Variants in GZMM observed in about 807,000 individuals in gnomAD.
GZMM encodes granzyme M, also known as HU-Met-1.
In GZMM, 23 loss-of-function variants were observed where a neutral mutation model predicts 19.2. That is an observed-to-expected ratio of 1.20 (90% confidence interval 0.86 to 1.69). The LOEUF (loss-of-function observed/expected upper bound fraction) is 1.69. Among genes scored for constraint, GZMM ranks in the 40% most tolerant of loss-of-function variants. The pLI is 0.00. For synonymous variants in GZMM, 178 were observed against 160.2 expected, an observed-to-expected ratio of 1.11 and a Z score of -0.84; for missense variants, 373 against 352.2, an observed-to-expected ratio of 1.06 and a Z score of -0.47.
At position 548,522 on chromosome 19, in the gene GZMM, C is replaced by T. The variant is rs1251396675; in HGVS notation, c.213-20C>T. 4 of 1,612,006 alleles carry T rather than the reference C, an allele frequency of 2.5e-6. No homozygotes were observed. Among genetic ancestry groups the T allele is most frequent in the African/African-American group, 1.3e-5 (1 of 74,868 alleles). On this transcript the variant is annotated intron_variant, in intron 2 of 4. Transcript: ENST00000264553. ...CCACGCCGGGCCAGGCCGCAGCACCCTGATTCCCTCTGTCCCCAGGATGGC... is the reference window on the plus strand; with the variant it reads ...CCACGCCGGGCCAGGCCGCAGCACCTTGATTCCCTCTGTCCCCAGGATGGC...
At chr19:546,249 A>G (rs1980276502) in intron 1 of GZMM, among the ~76,000 whole-genome samples, 1 of 152,158 alleles carries the variant, frequency 6.6e-6, no homozygotes, top group Non-Finnish European at 1.5e-5. Flanking sequence ...TTTAAAGACT[A>G]CATTTCTTGC....
At chr19:548,232 C>T (rs1980360976) in intron 2 of GZMM, among the ~76,000 whole-genome samples, 2 of 152,158 alleles carry the variant, frequency 1.3e-5, no homozygotes, top group South Asian at 4.1e-4. Context: ...GAGCCTGGGG[C>T]CCCAAGTGAA....
chr19:549,540 C>A, intron 4 of GZMM, 90 bp from the exon 5 acceptor site: 1 of 1,343,924 alleles, frequency 7.4e-7, no homozygotes, highest in Non-Finnish European at 1.0e-6. Context: ...CTGGGGATAA[C>A]AGGCCTGGCC....
intron 4 of GZMM, among the ~76,000 whole-genome samples, chr19:549,401 G>A (rs542586264): frequency 4.6e-5 from 7 of 152,340 alleles, no homozygotes; most frequent in East Asian, 1.9e-4. Flanking sequence ...GCCGGGAAGC[G>A]GCAGAGCTGT....
At chr19:548,720 C>G (rs767459939) in intron 3 of GZMM, 43 bp downstream of exon 3, 15 of 1,591,652 alleles carry the variant, frequency 9.4e-6, no homozygotes, top group Admixed American at 1.7e-5. Context: ...CCCTCCTGTC[C>G]CCCACGGGTG....
At chr19:545,416 C>T (rs1389158498) in intron 1 of GZMM, among the ~76,000 whole-genome samples, 2 of 152,206 alleles carry the variant, frequency 1.3e-5, no homozygotes, top group Non-Finnish European at 1.5e-5. Flanking sequence ...GGTGCCATCT[C>T]GGCTCACTGC....
At chr19:544,277 C>G (rs12981692) in intron 1 of GZMM, 151 bp downstream of exon 1, 166,921 of 665,828 alleles carry the variant, frequency 0.25, 23,305 homozygotes, top group Non-Finnish European at 0.3. Context: ...TGGGGCATCC[C>G]GAGCTCCTCA....
chr19:545,575 A>G (rs1255007133), intron 1 of GZMM, among the ~76,000 whole-genome samples: 3 of 151,152 alleles, frequency 2.0e-5, no homozygotes, highest in East Asian at 1.9e-4. Context: ...TCAAACTCCC[A>G]ACCTCAGGTG....
In GZMM at chr19:548,960, G is replaced by A. The variant is rs780405005; in HGVS notation, c.387G>A (p.Pro129=). The A allele has an allele frequency of 1.4e-5, 22 of 1,594,498 alleles. No homozygotes were observed. Among genetic ancestry groups the A allele is most frequent in the South Asian group, 3.3e-5 (3 of 89,706 alleles). ...TGAAGCCCAGCCGGACCATCCGGCC[G>A]TTGGCCCTGCCCAGTAAGCGCCAGG... The part of the protein sequence containing the change: ...GKVKPSRTIR[P]LALPSKRQVV... Residue 129 remains proline, a synonymous_variant, in exon 4 of 5, where the codon CCG becomes CCA. Transcript: ENST00000264553.
rs567959911 is a variant in GZMM, at chr19:548,946, C to T, written c.373C>T (p.Arg125Trp). 1.8e-5 allele frequency: 29 copies of T among 1,588,614 alleles called. No individual in the cohort carries two copies. In the East Asian group the frequency reaches 2.9e-4, roughly 16 times the overall value. The change falls in exon 4 of 5, where the codon CGG becomes TGG. Residue 125 changes from arginine (R) to tryptophan (W), a missense_variant. Arg to Trp is a moderately radical substitution (Grantham distance 101). Coordinates refer to ENST00000264553, the MANE Select transcript of GZMM (RefSeq NM_005317.4). ...LQLDGKVKPSRTIRPLALPSK... is the reference protein window; with the variant it reads ...LQLDGKVKPSWTIRPLALPSK... ...GCTGGACGGGAAAGTGAAGCCCAGC[C>T]GGACCATCCGGCCGTTGGCCCTGCC... is the stretch of plus-strand genomic sequence containing the variant.
Position 544,727 on chromosome 19 carries a change from TCCCTCCC to T in GZMM, c.55+602_55+608del, listed in dbSNP as rs780644641. Among the ~76,000 whole-genome samples, 162 of 60,806 alleles carry T rather than the reference TCCCTCCC, an allele frequency of 2.7e-3. 1 individual carries two copies. The highest frequency in any genetic ancestry group is 9.7e-3 in the African/African-American group (149 of 15,434). The allele number at this position is 60,806 out of a possible 152,430, so 39.9% of individuals were successfully genotyped here. On this transcript the variant is annotated intron_variant, in intron 1 of 4. Transcript: ENST00000264553. Reference sequence around the variant, plus strand: ...CATCATCCCTCCCTCCCTCCCTCCCTCCCTCCCTCATCTCCCCTTCCTTCCCTCTACC... The same window carrying T: ...CATCATCCCTCCCTCCCTCCCTCCCTTCATCTCCCCTTCCTTCCCTCTACC...
chr19:548,756 C>T (rs1980387716), intron 3 of GZMM, 79 bp downstream of exon 3: 1 of 1,285,772 alleles, frequency 7.8e-7, no homozygotes, highest in South Asian at 1.3e-5. Context: ...GCGCCCTCCC[C>T]CCGCTGCCGA....
In GZMM at chr19:548,672, C is replaced by T; in HGVS notation, c.343C>T (p.Leu115Phe). 6.2e-7 allele frequency: 1 copy of T among 1,612,668 alleles called. No homozygotes were observed. Among genetic ancestry groups the T allele is most frequent in the Non-Finnish European group, 8.5e-7 (1 of 1,179,610 alleles). Reference sequence around the variant, plus strand: ...TGCCCTGGAGAACGACCTCGCGCTGCTTCAGGTGTGCAGGGACGGGACAGG... The same window carrying T: ...TGCCCTGGAGAACGACCTCGCGCTGTTTCAGGTGTGCAGGGACGGGACAGG... ...VPALENDLAL[L>F]QLDGKVKPSR... is the part of the protein sequence containing the mutation. The change falls in exon 3 of 5, where the codon CTT becomes TTT. Residue 115 changes from leucine to phenylalanine, a missense_variant. Coordinates refer to ENST00000264553, the MANE Select transcript of GZMM (RefSeq NM_005317.4).
chr19:547,211 C>T (rs1173031863), intron 1 of GZMM, 69 bp from the exon 2 acceptor site: 1 of 1,387,036 alleles, frequency 7.2e-7, no homozygotes, highest in Non-Finnish European at 9.5e-7. Flanking sequence ...CTGAGCTGGG[C>T]AAGGACAGTC....
chr19:548,432 C>T (rs964453626), intron 2 of GZMM, 110 bp from the exon 3 acceptor site: 10 of 1,069,832 alleles, frequency 9.3e-6, no homozygotes, highest in East Asian at 5.1e-5. Context: ...TGAGGGGCAG[C>T]GGCTGTGAGT....
intron 1 of GZMM, among the ~76,000 whole-genome samples, chr19:545,434 G>C (rs1287891060): frequency 6.6e-6 from 1 of 152,140 alleles, no homozygotes; most frequent in African/African-American, 2.4e-5. Context: ...TGCAGCCTCC[G>C]CCTCCTGGTT....
chr19:548,551 G>A lies in GZMM; in HGVS notation c.222G>A (p.Gln74=), dbSNP rs1345275422. The A allele has an allele frequency of 6.2e-7, 1 of 1,613,360 alleles. No individual in the cohort carries two copies. Among genetic ancestry groups the A allele is most frequent in the Admixed American group, 1.7e-5 (1 of 60,004 alleles). Residue 74 remains glutamine, a synonymous_variant, in exon 3 of 5, where the codon CAG becomes CAA. Transcript: ENST00000264553. ...TTCCCTCTGTCCCCAGGATGGCCCA[G>A]CTGAGGCTGGTGCTGGGGCTCCACA... The part of the protein sequence containing the change: ...AAHCLAQRMA[Q]LRLVLGLHTL...
Position 548,472 on chromosome 19 carries a change from G to A in GZMM, c.213-70G>A, listed in dbSNP as rs1600442333. The A allele has an allele frequency of 2.6e-6, 4 of 1,509,986 alleles. No homozygotes were observed. In the East Asian group the frequency reaches 6.8e-5, roughly 26 times the overall value. 93.5% of individuals were successfully genotyped at this position (1,509,986 alleles called of 1,614,324 possible). A position where few individuals can be genotyped will look rare whatever the true frequency, so the allele number is the denominator to read the frequency against. On this transcript the variant is annotated intron_variant, in intron 2 of 4. Transcript: ENST00000264553. ...GCCATGGACAACGGGCACAGTGGGG[G>A]CCGGGACTGCATGTGGCGGGTCGTC...
intron 1 of GZMM, 86 bp downstream of exon 1, chr19:544,212 G>A (rs142650196): frequency 0.015 from 16,806 of 1,096,932 alleles, 220 homozygotes; most frequent in Middle Eastern, 0.037. Flanking sequence ...CGCGGGCGCC[G>A]ACATCCTGGG....
Sources: gnomAD v4.1 joint callset for allele counts (sites outside exome capture counted in the v4.1 genomes callset) on GRCh38, gnomAD v4.1.1 for gene constraint, MANE v1.5 for transcripts, NCBI Gene and HGNC (gene_info 2026-07-23, HGNC 2026-07-21) for gene names.